LSAMP: variants seen among roughly 807,000 people sequenced by gnomAD.
LSAMP encodes the protein limbic system-associated membrane protein.
In LSAMP, 7 loss-of-function variants were observed where a neutral mutation model predicts 38.6. That is an observed-to-expected ratio of 0.18 (90% confidence interval 0.10 to 0.34). The LOEUF (loss-of-function observed/expected upper bound fraction) is 0.34, where lower values mean the gene tolerates loss of function less well. LSAMP is among the 10% of genes least tolerant of loss of function. LSAMP has a pLI of 1.00. For synonymous variants in LSAMP, 154 were observed against 166.8 expected (o/e 0.92, Z 0.59); for missense variants, 313 against 420.0 (o/e 0.75, Z 2.23).
chr3:116,002,641 G>A (rs964547925), intron 3 of LSAMP, among the ~76,000 whole-genome samples: 2 of 152,190 alleles, frequency 1.3e-5, no homozygotes, highest in African/African-American at 2.4e-5. Context: ...GGAGGTTACA[G>A]CTGTGTGGAC....
chr3:116,055,433 T>C (rs940604463), intron 2 of LSAMP, among the ~76,000 whole-genome samples: 1 of 152,134 alleles, frequency 6.6e-6, no homozygotes, highest in African/African-American at 2.4e-5. Flanking sequence ...GTTTAATAAT[T>C]AGAAATGAAT....
chr3:116,198,129 T>C (rs1576426217), intron 1 of LSAMP, among the ~76,000 whole-genome samples: 1 of 152,214 alleles, frequency 6.6e-6, no homozygotes, highest in Non-Finnish European at 1.5e-5. Context: ...CAGAATGATA[T>C]GCTAAAAATG....
At chr3:116,228,612 T>C (rs1438401335) in intron 1 of LSAMP, among the ~76,000 whole-genome samples, 1 of 152,158 alleles carries the variant, frequency 6.6e-6, no homozygotes, top group African/African-American at 2.4e-5. Flanking sequence ...TAACTATTAC[T>C]ATGATTCTTA....
chr3:116,073,808 G>A (rs568710571), intron 2 of LSAMP, among the ~76,000 whole-genome samples: 9 of 152,276 alleles, frequency 5.9e-5, no homozygotes, highest in Middle Eastern at 3.4e-3. Context: ...GATAGTTAAT[G>A]TATGCTTAGT....
intron 1 of LSAMP, among the ~76,000 whole-genome samples, chr3:116,307,793 C>A (rs2047503211): frequency 1.3e-5 from 2 of 151,836 alleles, no homozygotes; most frequent in African/African-American, 4.8e-5. Context: ...AAAATTTTCA[C>A]ATTATAAAAT....
chr3:116,125,019 G>C (rs74441582), intron 1 of LSAMP, among the ~76,000 whole-genome samples: 3,196 of 152,156 alleles, frequency 0.021, 116 homozygotes, highest in African/African-American at 0.073. Flanking sequence ...GAAGAAATTC[G>C]TCTCTGCAGT....
At position 116,237,134 on chromosome 3, in the gene LSAMP, T is replaced by C. The variant is rs548449664; in HGVS notation, c.156-150578A>G. Among the ~76,000 whole-genome samples, 133 of 152,242 alleles carry C rather than the reference T, an allele frequency of 8.7e-4. 3 individuals are homozygous for C. The highest frequency in any genetic ancestry group is 4.6e-4 in the Admixed American group (7 of 15,288). On this transcript the variant is annotated intron_variant, in intron 1 of 6. Coordinates refer to ENST00000490035, the MANE Select transcript of LSAMP (RefSeq NM_002338.5). ...ATAATTCAGTTGGAATATAAGGCCATGTCCTATCTTAACATGTAATAAAAT... is the reference window on the plus strand; with the variant it reads ...ATAATTCAGTTGGAATATAAGGCCACGTCCTATCTTAACATGTAATAAAAT...
chr3:116,074,861 T>G (rs1270646041), intron 2 of LSAMP, among the ~76,000 whole-genome samples: 4 of 150,338 alleles, frequency 2.7e-5, no homozygotes, highest in Admixed American at 1.3e-4. Flanking sequence ...TTTTTTTTTT[T>G]GAGATGAGTT....
intron 3 of LSAMP, among the ~76,000 whole-genome samples, chr3:116,014,568 T>C: frequency 6.6e-6 from 1 of 152,224 alleles, no homozygotes; most frequent in Non-Finnish European, 1.5e-5. Flanking sequence ...TGAATGTTAC[T>C]GCATGGCCAA....
chr3:116,200,103 C>T (rs1419974321), intron 1 of LSAMP, among the ~76,000 whole-genome samples: 1 of 144,336 alleles, frequency 6.9e-6, no homozygotes. Flanking sequence ...TACACACACA[C>T]ACACACACAC....
intron 2 of LSAMP, among the ~76,000 whole-genome samples, chr3:116,045,386 T>A (rs1941267638): frequency 6.6e-6 from 1 of 152,102 alleles, no homozygotes; most frequent in Admixed American, 6.5e-5. Flanking sequence ...GAAGGGAATG[T>A]GGCAGGAAAC....
chr3:116,282,614 A>G (rs138538384), intron 1 of LSAMP, among the ~76,000 whole-genome samples: 101 of 152,296 alleles, frequency 6.6e-4, no homozygotes, highest in African/African-American at 2.3e-3. Flanking sequence ...ATTTTCTGAC[A>G]TGTGGATTTT....
chr3:116,123,019 CTT>C (rs1256719323), intron 1 of LSAMP, among the ~76,000 whole-genome samples: 1 of 152,070 alleles, frequency 6.6e-6, no homozygotes, highest in Non-Finnish European at 1.5e-5. Context: ...GAAAGACTGG[CTT>C]TTTTTGAGTT....
At chr3:116,409,444 A>G (rs1260615166) in intron 1 of LSAMP, among the ~76,000 whole-genome samples, 2 of 152,084 alleles carry the variant, frequency 1.3e-5, no homozygotes, top group Non-Finnish European at 2.9e-5. Context: ...ATGAAAATAA[A>G]GGTAACCTGC....
intron 1 of LSAMP, among the ~76,000 whole-genome samples, chr3:116,087,071 C>T (rs546341000): frequency 6.6e-6 from 1 of 152,220 alleles, no homozygotes; most frequent in East Asian, 1.9e-4. Context: ...GATGCCACTT[C>T]CAGGAGTAAA....
Position 115,807,806 on chromosome 3 carries a change from C to T in LSAMP, c.*2511G>A, listed in dbSNP as rs939523888. 6.6e-6 allele frequency: 1 copy of T among 152,046 alleles called. No individual in the cohort carries two copies. Among genetic ancestry groups the T allele is most frequent in the African/African-American group, 2.4e-5 (1 of 41,382 alleles). 9.4% of individuals were successfully genotyped at this position (152,046 alleles called of 1,614,324 possible). The stretch of plus-strand genomic sequence containing the variant: ...ACTGTTAAGAGAAATACCTGATTGT[C>T]AATAAATTGATGCTGCATAGGAATA... On this transcript the variant is annotated 3_prime_UTR_variant, in exon 7 of 7. Transcript: ENST00000490035.
chr3:115,917,487 CTTACTT>C lies in LSAMP; in HGVS notation c.515-64876_515-64871del, dbSNP rs576199267. 6.5e-3 allele frequency among the ~76,000 whole-genome samples: 989 copies of C among 152,234 alleles called. 6 individuals carry two copies. The highest frequency in any genetic ancestry group is 0.012 in the Non-Finnish European group (795 of 68,002). Reference sequence around the variant, plus strand: ...TGATTCCTTCCGGATACTTTTAAAACTTACTTTTACTTTTACTTTTTCCTACTCTCA... The same window carrying C: ...TGATTCCTTCCGGATACTTTTAAAACTTACTTTTACTTTTTCCTACTCTCA... On this transcript the variant is annotated intron_variant, in intron 3 of 6. Transcript: ENST00000490035.
chr3:116,137,376 TG>T (rs2107510480), intron 1 of LSAMP, among the ~76,000 whole-genome samples: 1 of 152,236 alleles, frequency 6.6e-6, no homozygotes, highest in Non-Finnish European at 1.5e-5. Flanking sequence ...AAACTTCCAA[TG>T]TAATTAACTA....
At chr3:116,200,542 C>A (rs939035835) in intron 1 of LSAMP, among the ~76,000 whole-genome samples, 5 of 152,168 alleles carry the variant, frequency 3.3e-5, no homozygotes, top group Admixed American at 3.3e-4. Context: ...AGCTTCGAGA[C>A]AATCAGCTCA....
Sources: allele counts gnomAD v4.1 joint callset (sites outside exome capture counted in the v4.1 genomes callset), GRCh38; gene constraint gnomAD v4.1.1; transcripts MANE v1.5; gene names NCBI Gene and HGNC (gene_info 2026-07-23, HGNC 2026-07-21).